COMMD1: variants seen among roughly 807,000 people sequenced by gnomAD.
The protein encoded by COMMD1 is copper metabolism domain containing 1.
Under a neutral mutation model 17.2 loss-of-function variants are expected in COMMD1, and 10 were observed. That is an observed-to-expected ratio of 0.58 (90% CI 0.36 to 0.99). The LOEUF (loss-of-function observed/expected upper bound fraction) is 0.99, where lower values mean the gene tolerates loss of function less well. Ranked by LOEUF, COMMD1 falls within the 50% of genes least tolerant of loss-of-function variation. The pLI is 0.01. For synonymous variants in COMMD1, 97 were observed against 91.6 expected (o/e 1.06, Z -0.34); for missense variants, 270 against 231.8 (o/e 1.17, Z -1.07).
chr2:62,058,895 C>T (rs1670781490), intron 2 of COMMD1, among the ~76,000 whole-genome samples: 1 of 152,142 alleles, frequency 6.6e-6, no homozygotes, highest in South Asian at 2.1e-4. Context: ...ATTCTCCTGC[C>T]TCAGCCTCCC....
intron 2 of COMMD1, among the ~76,000 whole-genome samples, chr2:62,018,617 C>T (rs977826878): frequency 3.9e-5 from 6 of 152,048 alleles, no homozygotes; most frequent in Admixed American, 1.3e-4. Flanking sequence ...ATATTTAAGG[C>T]GTAAAAAAAC....
chr2:61,925,892 A>G (rs939443338), intron 1 of COMMD1, among the ~76,000 whole-genome samples: 6 of 152,168 alleles, frequency 3.9e-5, no homozygotes, highest in Non-Finnish European at 4.4e-5. Flanking sequence ...TCCACTGACA[A>G]TATATTACAA....
chr2:62,069,974 C>G (rs1290955254), intron 2 of COMMD1: 1 of 152,186 alleles, frequency 6.6e-6, no homozygotes, highest in Non-Finnish European at 1.5e-5. Context: ...AATTCTGATG[C>G]TAACCACTCA....
At chr2:62,022,275 A>G (rs1270660764) in intron 2 of COMMD1, among the ~76,000 whole-genome samples, 1 of 151,800 alleles carries the variant, frequency 6.6e-6, no homozygotes, top group Admixed American at 6.6e-5. Flanking sequence ...TCTATAATGT[A>G]GTTTTTAACT....
chr2:62,116,676 C>CA (rs70962759), intron 2 of COMMD1, among the ~76,000 whole-genome samples: 1,425 of 28,556 alleles, frequency 0.05, 132 homozygotes, highest in Non-Finnish European at 0.056. Context: ...TGTCTCATTA[C>CA]AAAAAAAAAA....
At chr2:61,921,695 G>A (rs1044791587) in intron 1 of COMMD1, among the ~76,000 whole-genome samples, 2 of 152,094 alleles carry the variant, frequency 1.3e-5, no homozygotes, top group Non-Finnish European at 1.5e-5. Flanking sequence ...CACCCGCCTT[G>A]GCCTCCCAAA....
At chr2:61,911,786 G>C (rs1371743656) in intron 1 of COMMD1, among the ~76,000 whole-genome samples, 1 of 152,152 alleles carries the variant, frequency 6.6e-6, no homozygotes, top group Non-Finnish European at 1.5e-5. Flanking sequence ...ACTATTTCAT[G>C]TTCCTGGCTT....
chr2:62,071,059 A>T (rs567828417), intron 2 of COMMD1, among the ~76,000 whole-genome samples: 1 of 152,338 alleles, frequency 6.6e-6, no homozygotes, highest in African/African-American at 2.4e-5. Flanking sequence ...GGAATAAAAA[A>T]TGGCGACTAC....
In COMMD1 at chr2:61,911,922, A is replaced by G. The variant is rs76181384; in HGVS notation, c.180+6064A>G. On this transcript the variant is annotated intron_variant, in intron 1 of 2. Transcript: ENST00000311832. ...CAGCACTCTAATCTTGTCCTTATTT[A>G]ATCATGTGAAGTGTTTTTCCTGTAG... Among the ~76,000 whole-genome samples, 175 of 152,190 alleles carry G rather than the reference A, an allele frequency of 1.1e-3. 4 individuals are homozygous for G. In the East Asian group the frequency reaches 0.029, roughly 25 times the overall value.
At chr2:61,921,958 A>G (rs1477578028) in intron 1 of COMMD1, among the ~76,000 whole-genome samples, 2 of 152,174 alleles carry the variant, frequency 1.3e-5, no homozygotes, top group African/African-American at 2.4e-5. Context: ...CAGGACCACT[A>G]GTAAGAAGAC....
At chr2:62,134,458 G>T (rs975861141) in intron 2 of COMMD1, among the ~76,000 whole-genome samples, 2 of 151,948 alleles carry the variant, frequency 1.3e-5, no homozygotes, top group Non-Finnish European at 2.9e-5. Flanking sequence ...GAATGTAGTT[G>T]CTCCTAGATA....
intron 1 of COMMD1, among the ~76,000 whole-genome samples, chr2:61,920,204 AGCTGGTAGTAGG>A (rs975354189): frequency 1.3e-5 from 2 of 152,142 alleles, no homozygotes; most frequent in African/African-American, 4.8e-5. Flanking sequence ...TATGAATTTC[AGCTGGTAGTAGG>A]GCTATGGTTA....
At chr2:61,966,364 C>T (rs183003563) in intron 1 of COMMD1, among the ~76,000 whole-genome samples, 2 of 152,114 alleles carry the variant, frequency 1.3e-5, no homozygotes, top group African/African-American at 2.4e-5. Flanking sequence ...CTGTCCTTGG[C>T]CAGATTTTAC....
chr2:62,053,737 GGCTTTTGT>G (rs1474267632), intron 2 of COMMD1, among the ~76,000 whole-genome samples: 4 of 151,958 alleles, frequency 2.6e-5, no homozygotes, highest in Non-Finnish European at 5.9e-5. Context: ...AGAGAAGAAG[GGCTTTTGT>G]GCATGATGTA....
intron 1 of COMMD1, among the ~76,000 whole-genome samples, chr2:61,893,055 C>T (rs777797199): frequency 5.9e-4 from 89 of 151,896 alleles, no homozygotes; most frequent in Middle Eastern, 3.4e-3. Context: ...TTAGTAGAGA[C>T]GGGGTTTCAC....
chr2:61,978,911 CA>C (rs1441000821), intron 1 of COMMD1, among the ~76,000 whole-genome samples: 2 of 152,248 alleles, frequency 1.3e-5, no homozygotes, highest in East Asian at 1.9e-4. Flanking sequence ...ATAATCATAT[CA>C]GGGGAAATGG....
intron 2 of COMMD1, among the ~76,000 whole-genome samples, chr2:62,108,017 A>G (rs1006703686): frequency 2.8e-4 from 42 of 152,116 alleles, no homozygotes; most frequent in African/African-American, 1.0e-3. Flanking sequence ...TTTATCCCCC[A>G]GCATGCCAGC....
intron 1 of COMMD1, among the ~76,000 whole-genome samples, 188 bp downstream of exon 1, chr2:61,906,046 A>T (rs1289714580): frequency 6.6e-6 from 1 of 151,968 alleles, no homozygotes; most frequent in East Asian, 1.9e-4. Context: ...TCTCTTTCCT[A>T]AGGGGGACTT....
chr2:62,068,082 C>A (rs1377731472), intron 2 of COMMD1, among the ~76,000 whole-genome samples: 1 of 152,168 alleles, frequency 6.6e-6, no homozygotes, highest in African/African-American at 2.4e-5. Context: ...TCCCAGTTAA[C>A]TGAGAAAGGA....
Sources: allele counts gnomAD v4.1 joint callset (sites outside exome capture counted in the v4.1 genomes callset), GRCh38; gene constraint gnomAD v4.1.1; transcripts MANE v1.5; gene names NCBI Gene and HGNC (gene_info 2026-07-23, HGNC 2026-07-21).